The following PLXDC2 variants were observed in gnomAD, a reference collection of about 807,000 sequenced individuals.
PLXDC2 encodes plexin domain-containing protein 2.
PLXDC2 carries 40 observed loss-of-function variants against 68.9 expected under a neutral mutation model. That is an observed-to-expected ratio of 0.58 (90% confidence interval 0.45 to 0.76). PLXDC2 has a LOEUF of 0.76. Among genes scored for constraint, PLXDC2 ranks in the 30% least tolerant of loss-of-function variants. The pLI, the probability that PLXDC2 is intolerant of heterozygous loss-of-function variation, is 0.00. For missense variants in PLXDC2, 644 were observed against 661.9 expected (o/e 0.97, Z 0.30); for synonymous variants, 243 against 234.2 (o/e 1.04, Z -0.34).
chr10:19,874,581 A>G (rs1837599428), intron 1 of PLXDC2, among the ~76,000 whole-genome samples: 1 of 152,220 alleles, frequency 6.6e-6, no homozygotes, highest in South Asian at 2.1e-4. Flanking sequence ...AAGCACTTAG[A>G]ATATAAGGTG....
chr10:19,839,023 T>A (rs982435559), intron 1 of PLXDC2, among the ~76,000 whole-genome samples: 5 of 151,854 alleles, frequency 3.3e-5, no homozygotes, highest in African/African-American at 1.2e-4. Context: ...CCGTCTGTAA[T>A]AAAAATACAA....
chr10:19,855,172 A>G (rs967950083), intron 1 of PLXDC2, among the ~76,000 whole-genome samples: 1 of 152,202 alleles, frequency 6.6e-6, no homozygotes, highest in African/African-American at 2.4e-5. Flanking sequence ...AGTAGAAATG[A>G]GTTTTTATGA....
chr10:20,040,311 A>G (rs1835661356), intron 2 of PLXDC2, among the ~76,000 whole-genome samples: 1 of 152,200 alleles, frequency 6.6e-6, no homozygotes, highest in Non-Finnish European at 1.5e-5. Context: ...CGCTGACTCA[A>G]GGAGGATGCC....
intron 1 of PLXDC2, among the ~76,000 whole-genome samples, chr10:19,827,720 G>C (rs779798071): frequency 1.3e-5 from 2 of 151,758 alleles, no homozygotes; most frequent in Non-Finnish European, 2.9e-5. Context: ...CACCACACCC[G>C]GCTAATTTGT....
chr10:19,975,180 C>T (rs753611438), intron 1 of PLXDC2, among the ~76,000 whole-genome samples: 10 of 152,148 alleles, frequency 6.6e-5, no homozygotes, highest in Non-Finnish European at 1.3e-4. Flanking sequence ...GAAGGCCTGG[C>T]GCAGTGGCTC....
chr10:20,000,237 G>T lies in PLXDC2; in HGVS notation c.113-1538G>T, dbSNP rs548219086. On this transcript the variant is annotated intron_variant, in intron 1 of 13. Transcript: ENST00000377252. ...ACACTTACTGTATGGAGGGCAGGAG[G>T]GTGTCCACACTCAGCCCTTTATGTA... Among the ~76,000 whole-genome samples the T allele has an allele frequency of 2.6e-5, 4 of 151,960 alleles. No individual in the cohort carries two copies. The South Asian group carries it at 6.3e-4, about 24-fold the overall frequency.
At chr10:20,123,209 G>A (rs537139049) in intron 4 of PLXDC2, among the ~76,000 whole-genome samples, 17 of 152,200 alleles carry the variant, frequency 1.1e-4, no homozygotes, top group East Asian at 3.9e-4. Context: ...TCGGCCTGGC[G>A]AGGAGCAGCC....
intron 13 of PLXDC2, among the ~76,000 whole-genome samples, chr10:20,254,774 A>G (rs892589737): frequency 9.2e-5 from 14 of 152,124 alleles, no homozygotes; most frequent in Admixed American, 6.6e-5. Context: ...GGTCACTTGA[A>G]AAAAAGAGAC....
chr10:20,074,305 T>C (rs1361072546), intron 4 of PLXDC2, among the ~76,000 whole-genome samples: 1 of 152,162 alleles, frequency 6.6e-6, no homozygotes, highest in Non-Finnish European at 1.5e-5. Context: ...AAAATGTTTA[T>C]TAAGTAATAC....
At chr10:20,013,512 G>C (rs1835152214) in intron 2 of PLXDC2, among the ~76,000 whole-genome samples, 1 of 151,930 alleles carries the variant, frequency 6.6e-6, no homozygotes, top group African/African-American at 2.4e-5. Context: ...TTTTTCCTAA[G>C]AACATTTAGG....
At chr10:20,149,214 C>CTTTTTTTT (rs71200985) in intron 6 of PLXDC2, among the ~76,000 whole-genome samples, 1 of 112,388 alleles carries the variant, frequency 8.9e-6, no homozygotes, top group Non-Finnish European at 1.7e-5. Flanking sequence ...ATTTTTCTTT[C>CTTTTTTTT]TTTTTTTTTC....
chr10:20,142,422 C>A (rs1426415959), intron 4 of PLXDC2, among the ~76,000 whole-genome samples: 2 of 152,068 alleles, frequency 1.3e-5, no homozygotes, highest in Non-Finnish European at 2.9e-5. Flanking sequence ...TGAGCTGACT[C>A]TCCTTTCAGA....
chr10:20,207,233 T>G (rs1252738049), intron 9 of PLXDC2, among the ~76,000 whole-genome samples: 1 of 152,212 alleles, frequency 6.6e-6, no homozygotes, highest in Non-Finnish European at 1.5e-5. Flanking sequence ...AATGATGAAT[T>G]ACTTAATTGA....
In PLXDC2 at chr10:20,147,919, T is replaced by A; in HGVS notation, c.783+17T>A. The A allele has an allele frequency of 1.3e-6, 2 of 1,535,494 alleles. No individual in the cohort carries two copies. The highest frequency in any genetic ancestry group is 1.8e-6 in the Non-Finnish European group (2 of 1,108,698). On this transcript the variant is annotated intron_variant, in intron 6 of 13. Transcript: ENST00000377252. The stretch of plus-strand genomic sequence containing the variant: ...TACAAAGAAGTAAGTGATGCGTTGA[T>A]AATTTCTTTCCCTTCCCCTTGTTCT...
chr10:19,889,071 G>C (rs537288075), intron 1 of PLXDC2, among the ~76,000 whole-genome samples: 61 of 151,906 alleles, frequency 4.0e-4, no homozygotes, highest in Non-Finnish European at 6.3e-4. Context: ...CATTTTTTAT[G>C]ATAATATAAT....
chr10:19,838,470 T>C (rs1447695146), intron 1 of PLXDC2, among the ~76,000 whole-genome samples: 1 of 152,216 alleles, frequency 6.6e-6, no homozygotes, highest in Non-Finnish European at 1.5e-5. Flanking sequence ...CAGAGCAATT[T>C]AAGTCCAAGT....
intron 4 of PLXDC2, among the ~76,000 whole-genome samples, chr10:20,117,893 A>G (rs1833642568): frequency 6.6e-6 from 1 of 152,182 alleles, no homozygotes; most frequent in South Asian, 2.1e-4. Context: ...GAAAAAGACC[A>G]CGGCTGAAAT....
chr10:20,145,966 CG>C (rs1456975832), intron 5 of PLXDC2, among the ~76,000 whole-genome samples: 1 of 152,066 alleles, frequency 6.6e-6, no homozygotes, highest in Admixed American at 6.6e-5. Flanking sequence ...AATAATCAAG[CG>C]TAAGTATATT....
intron 4 of PLXDC2, among the ~76,000 whole-genome samples, chr10:20,133,738 C>G (rs150737131): frequency 1.3e-3 from 203 of 152,208 alleles, no homozygotes; most frequent in African/African-American, 4.7e-3. Context: ...TCTGAACGTT[C>G]ATTTCTCTCT....
Sources: gnomAD v4.1 joint callset for allele counts (sites outside exome capture counted in the v4.1 genomes callset) on GRCh38, gnomAD v4.1.1 for gene constraint, MANE v1.5 for transcripts, NCBI Gene and HGNC (gene_info 2026-07-23, HGNC 2026-07-21) for gene names.